BICC1: variants seen among roughly 807,000 people sequenced by gnomAD.
The protein encoded by BICC1 is protein bicaudal C homolog 1.
A neutral mutation model predicts 111.0 loss-of-function variants in BICC1; 43 were observed. The ratio of observed to expected loss-of-function variants is 0.39; its 90% CI spans 0.30 to 0.50. The LOEUF (loss-of-function observed/expected upper bound fraction) is 0.50, where lower values mean the gene tolerates loss of function less well. Among genes scored for constraint, BICC1 ranks in the 20% least tolerant of loss-of-function variants. The pLI is 0.88. For missense variants in BICC1, 1,091 were observed against 1,203.2 expected, an observed-to-expected ratio of 0.91 and a Z score of 1.38; for synonymous variants, 467 against 434.4, an observed-to-expected ratio of 1.07 and a Z score of -0.93.
chr10:58,658,598 A>G (rs975374499), intron 2 of BICC1, among the ~76,000 whole-genome samples: 10 of 152,122 alleles, frequency 6.6e-5, no homozygotes, highest in African/African-American at 2.4e-4. Flanking sequence ...GCGCTCTTTT[A>G]TTCCCTGTTT....
chr10:58,707,916 C>G (rs548751692), intron 3 of BICC1, among the ~76,000 whole-genome samples: 2 of 151,968 alleles, frequency 1.3e-5, no homozygotes, highest in African/African-American at 4.8e-5. Context: ...AGGCTGGTCT[C>G]GAGCTCCCGA....
chr10:58,824,405 C>G lies in BICC1; in HGVS notation c.2794+3937C>G, dbSNP rs189648138. ...GAATCATTGTTATTTTTCTTCTCTC[C>G]TAAGACCTATATATGAACAAAAGAG... is the stretch of plus-strand genomic sequence containing the variant. On this transcript the variant is annotated intron_variant, in intron 20 of 20. Transcript: ENST00000373886. 4.6e-5 allele frequency among the ~76,000 whole-genome samples: 7 copies of G among 152,278 alleles called. No individual in the cohort carries two copies. In the East Asian group the frequency reaches 1.2e-3, roughly 25 times the overall value.
At chr10:58,716,279 C>T in intron 3 of BICC1, 1 of 1,496,128 alleles carries the variant, frequency 6.7e-7, no homozygotes, top group South Asian at 1.2e-5. Context: ...CAAGTCCTGA[C>T]TCACCATAAC....
chr10:58,639,713 G>T (rs980305219), intron 2 of BICC1, among the ~76,000 whole-genome samples: 6 of 130,306 alleles, frequency 4.6e-5, no homozygotes, highest in African/African-American at 1.7e-4. Context: ...CACTGTGCCC[G>T]GCCAAATTTT....
chr10:58,604,790 C>A (rs1310473733), intron 1 of BICC1, among the ~76,000 whole-genome samples: 1 of 152,174 alleles, frequency 6.6e-6, no homozygotes, highest in Non-Finnish European at 1.5e-5. Flanking sequence ...TAGCAGAATA[C>A]CATATACTGG....
At chr10:58,745,188 T>G (rs1204790922) in intron 3 of BICC1, among the ~76,000 whole-genome samples, 1 of 152,152 alleles carries the variant, frequency 6.6e-6, no homozygotes, top group Non-Finnish European at 1.5e-5. Flanking sequence ...TATTTTTCAG[T>G]AATTTTCAGT....
chr10:58,812,187 G>A (rs1383258675), intron 17 of BICC1, among the ~76,000 whole-genome samples: 1 of 78,508 alleles, frequency 1.3e-5, no homozygotes, highest in South Asian at 6.5e-4. Context: ...GTGCATAGAA[G>A]TGAGCAGACT....
intron 3 of BICC1, among the ~76,000 whole-genome samples, chr10:58,729,047 G>C (rs897856467): frequency 6.6e-6 from 1 of 152,146 alleles, no homozygotes; most frequent in Non-Finnish European, 1.5e-5. Flanking sequence ...GGGATTTTGG[G>C]AATGGTAAAT....
chr10:58,756,103 G>A (rs774988665), intron 3 of BICC1, among the ~76,000 whole-genome samples: 1 of 152,104 alleles, frequency 6.6e-6, no homozygotes, highest in Non-Finnish European at 1.5e-5. Context: ...GTTTCTGGAT[G>A]TGTTGTATCT....
At chr10:58,697,884 A>C (rs1380693463) in intron 2 of BICC1, among the ~76,000 whole-genome samples, 2 of 150,642 alleles carry the variant, frequency 1.3e-5, no homozygotes, top group Non-Finnish European at 3.0e-5. Flanking sequence ...ACCAAACTCC[A>C]CCCACACCCC....
chr10:58,782,381 A>G (rs1029454618), intron 3 of BICC1, among the ~76,000 whole-genome samples: 2 of 152,200 alleles, frequency 1.3e-5, no homozygotes, highest in Admixed American at 1.3e-4. Context: ...TTTGTATAAT[A>G]TATATAGGAC....
chr10:58,801,088 T>C (rs1843532784), intron 14 of BICC1, 42 bp downstream of exon 14: 2 of 1,508,384 alleles, frequency 1.3e-6, no homozygotes, highest in Non-Finnish European at 1.8e-6. Context: ...TATTTTGAAA[T>C]GATATATATT....
At chr10:58,663,743 G>A (rs934374935) in intron 2 of BICC1, among the ~76,000 whole-genome samples, 4 of 152,236 alleles carry the variant, frequency 2.6e-5, no homozygotes, top group South Asian at 2.1e-4. Context: ...CCCTGCATTC[G>A]GTGAAAAAAT....
intron 1 of BICC1, among the ~76,000 whole-genome samples, chr10:58,562,282 A>G (rs1421260865): frequency 6.6e-6 from 1 of 151,876 alleles, no homozygotes; most frequent in Admixed American, 6.6e-5. Context: ...GGCTTTCTCC[A>G]TTCATTTTTA....
intron 2 of BICC1, among the ~76,000 whole-genome samples, chr10:58,634,466 A>G (rs1378785662): frequency 1.3e-5 from 2 of 152,090 alleles, no homozygotes; most frequent in African/African-American, 4.8e-5. Context: ...CTTTAACTAG[A>G]GATTCTGATT....
intron 3 of BICC1, among the ~76,000 whole-genome samples, chr10:58,736,684 T>C (rs1042667280): frequency 3.9e-5 from 6 of 152,198 alleles, no homozygotes; most frequent in African/African-American, 9.6e-5. Flanking sequence ...CCCACTCTTA[T>C]TGAAGAAAGT....
intron 2 of BICC1, among the ~76,000 whole-genome samples, chr10:58,681,279 G>C (rs1280812696): frequency 6.6e-6 from 1 of 152,080 alleles, no homozygotes. Context: ...TCTGACAAAG[G>C]CCTAATATAC....
Position 58,702,138 on chromosome 10 carries a change from A to C in BICC1, c.302A>C (p.Lys101Thr). 6.2e-7 allele frequency: 1 copy of C among 1,612,096 alleles called. No homozygotes were observed. The highest frequency in any genetic ancestry group is 8.5e-7 in the Non-Finnish European group (1 of 1,178,642). ...PSKLKIGAKSKKDPHIKVSGK... is the reference protein window; with the variant it reads ...PSKLKIGAKSTKDPHIKVSGK... Reference sequence around the variant, plus strand: ...AAACTGAAGATCGGAGCCAAATCCAAGAAAGGTAAATTGTGAGAGGGCAAG... The same window carrying C: ...AAACTGAAGATCGGAGCCAAATCCACGAAAGGTAAATTGTGAGAGGGCAAG... The change falls in exon 3 of 21, where the codon AAG (lysine) becomes ACG (threonine). Residue 101 changes from lysine to threonine, a missense_variant. Physicochemically the swap from Lys to Thr is moderately conservative, Grantham distance 78 (BLOSUM62 -1). Around this residue, in one of 3 missense-constraint regions of BICC1, gnomAD observed 843 missense variants for 900.8 expected, o/e 0.94. Coordinates refer to ENST00000373886, the MANE Select transcript of BICC1 (RefSeq NM_001080512.3).
At chr10:58,624,460 G>A (rs1210219930) in intron 2 of BICC1, among the ~76,000 whole-genome samples, 1 of 152,094 alleles carries the variant, frequency 6.6e-6, no homozygotes, top group African/African-American at 2.4e-5. Context: ...CTGATCTATA[G>A]ATATTTAACT....
Sources: gnomAD v4.1 joint callset for allele counts (sites outside exome capture counted in the v4.1 genomes callset) on GRCh38, gnomAD v4.1.1 for gene constraint, gnomAD v4.1.1 regional missense constraint, MANE v1.5 for transcripts, NCBI Gene and HGNC (gene_info 2026-07-23, HGNC 2026-07-21) for gene names.